Variants in SNX29 observed in about 807,000 individuals in gnomAD.
SNX29 encodes the protein sorting nexin-29.
Under a neutral mutation model 102.1 loss-of-function variants are expected in SNX29, and 78 were observed. The observed-to-expected ratio is 0.76, with a 90% CI of 0.64 to 0.92. The LOEUF is 0.92. Ranked by LOEUF, SNX29 falls within the 40% of genes least tolerant of loss-of-function variation. The pLI is 0.00. For missense variants in SNX29, 1,280 were observed against 1,061.7 expected (o/e 1.21, Z -2.86); for synonymous variants, 580 against 414.5 (o/e 1.40, Z -4.85).
At chr16:12,293,453 C>T (rs2079870203) in intron 15 of SNX29, among the ~76,000 whole-genome samples, 2 of 152,316 alleles carry the variant, frequency 1.3e-5, no homozygotes, top group South Asian at 4.1e-4. Context: ...GAAGATTAGC[C>T]AGCCTGCGGT....
At chr16:12,468,545 GA>G (rs968269503) in intron 18 of SNX29, among the ~76,000 whole-genome samples, 8 of 152,164 alleles carry the variant, frequency 5.3e-5, no homozygotes, top group African/African-American at 1.7e-4. Context: ...GCCCCTGGCA[GA>G]ACCAGGCCCC....
chr16:12,315,694 ACTGT>A, intron 15 of SNX29, among the ~76,000 whole-genome samples: 1 of 152,278 alleles, frequency 6.6e-6, no homozygotes, highest in Non-Finnish European at 1.5e-5. Context: ...CCCCTCTACA[ACTGT>A]GGGAAGTAGA....
At chr16:12,174,731 G>A (rs952086157) in intron 13 of SNX29, among the ~76,000 whole-genome samples, 1 of 152,164 alleles carries the variant, frequency 6.6e-6, no homozygotes, top group Non-Finnish European at 1.5e-5. Context: ...TATAAATGAT[G>A]AACAATAAAA....
intron 14 of SNX29, among the ~76,000 whole-genome samples, chr16:12,277,097 A>G (rs747833231): frequency 1.3e-5 from 2 of 152,274 alleles, no homozygotes; most frequent in African/African-American, 2.4e-5. Context: ...AATATAAAAG[A>G]TGTAAGTGGA....
intron 20 of SNX29, among the ~76,000 whole-genome samples, chr16:12,540,272 G>GA (rs2077270437): frequency 6.6e-6 from 1 of 152,190 alleles, no homozygotes; most frequent in South Asian, 2.1e-4. Flanking sequence ...TCAAGTGGAG[G>GA]GAGGACAGGA....
chr16:12,419,562 G>GC (rs34648432), intron 18 of SNX29, among the ~76,000 whole-genome samples: 4,301 of 147,518 alleles, frequency 0.029, 61 homozygotes, highest in South Asian at 0.046. Flanking sequence ...ATCAGACTCA[G>GC]CCCCCCCCCC....
In SNX29 at chr16:12,571,529, C is replaced by G. The variant is rs1325977214; in HGVS notation, c.*2900C>G. ...TCTCAAGGGCCTTGGATTCCTGGGA[C>G]CACCCTTTGCTGGGAGGAAGAATCC... On this transcript the variant is annotated 3_prime_UTR_variant, in exon 21 of 21. Coordinates refer to ENST00000566228, the MANE Select transcript of SNX29 (RefSeq NM_032167.5). The G allele has an allele frequency of 3.6e-6, 3 of 837,938 alleles. No homozygotes were observed. The highest frequency in any genetic ancestry group is 1.5e-6 in the Non-Finnish European group (1 of 672,348). The allele number at this position is 837,938 out of a possible 1,614,324, so 51.9% of individuals were successfully genotyped here.
chr16:12,453,034 G>GT (rs2086376924), intron 18 of SNX29, among the ~76,000 whole-genome samples: 1 of 152,184 alleles, frequency 6.6e-6, no homozygotes, highest in South Asian at 2.1e-4. Flanking sequence ...ATCCCCAGCA[G>GT]TAAGACCTGG....
At chr16:12,267,722 A>G (rs935821324) in intron 14 of SNX29, among the ~76,000 whole-genome samples, 2 of 152,186 alleles carry the variant, frequency 1.3e-5, no homozygotes, top group African/African-American at 4.8e-5. Context: ...TGGAACGGCA[A>G]GTTATCTTTT....
chr16:11,995,905 C>G (rs1222745841), intron 1 of SNX29, among the ~76,000 whole-genome samples: 1 of 151,924 alleles, frequency 6.6e-6, no homozygotes, highest in Non-Finnish European at 1.5e-5. Context: ...ACTGAAAATA[C>G]AAAAATTAGC....
In SNX29 at chr16:12,369,500, G is replaced by A. The variant is rs529182339; in HGVS notation, c.1899+13221G>A. Among the ~76,000 whole-genome samples, 25 of 152,264 alleles carry A rather than the reference G, an allele frequency of 1.6e-4. No homozygotes were observed. The South Asian group carries it at 1.9e-3, about 11-fold the overall frequency. On this transcript the variant is annotated intron_variant, in intron 16 of 20. Transcript: ENST00000566228. Reference sequence around the variant, plus strand: ...AGGGGTTCCTGTGCCTGGGGCAACCGCGTGGGACTCCTCTAGAAGCTGGTC... The same window carrying A: ...AGGGGTTCCTGTGCCTGGGGCAACCACGTGGGACTCCTCTAGAAGCTGGTC...
intron 20 of SNX29, among the ~76,000 whole-genome samples, chr16:12,553,244 G>C (rs145144176): frequency 6.6e-6 from 1 of 152,192 alleles, no homozygotes; most frequent in Admixed American, 6.5e-5. Context: ...AATACAGAGA[G>C]AGATTGTACA....
chr16:12,409,111 A>G (rs1386142424), intron 18 of SNX29, among the ~76,000 whole-genome samples: 2 of 152,206 alleles, frequency 1.3e-5, no homozygotes, highest in Non-Finnish European at 1.5e-5. Context: ...CCTGATTTTA[A>G]GTTTTTCATC....
At chr16:12,412,902 C>T (rs1006346977) in intron 18 of SNX29, among the ~76,000 whole-genome samples, 1 of 152,230 alleles carries the variant, frequency 6.6e-6, no homozygotes, top group Admixed American at 6.5e-5. Flanking sequence ...GTGACACTTT[C>T]TAGCCACTCA....
chr16:12,311,226 T>C (rs566801652), intron 15 of SNX29, among the ~76,000 whole-genome samples: 9 of 152,104 alleles, frequency 5.9e-5, no homozygotes, highest in Non-Finnish European at 1.2e-4. Flanking sequence ...GTAAAGAAAC[T>C]TCTTTCTAAC....
At chr16:12,125,458 C>G (rs572269205) in intron 11 of SNX29, among the ~76,000 whole-genome samples, 3 of 151,820 alleles carry the variant, frequency 2.0e-5, no homozygotes, top group Admixed American at 1.3e-4. Context: ...TGGAGATGCA[C>G]GGTGTATGGG....
chr16:12,341,293 A>T (rs1167350566), intron 15 of SNX29, among the ~76,000 whole-genome samples: 1 of 152,192 alleles, frequency 6.6e-6, no homozygotes, highest in Non-Finnish European at 1.5e-5. Flanking sequence ...CAAATGATTT[A>T]ATGTGTCTGA....
At chr16:12,365,076 C>A (rs184111289) in intron 16 of SNX29, among the ~76,000 whole-genome samples, 1 of 152,318 alleles carries the variant, frequency 6.6e-6, no homozygotes, top group African/African-American at 2.4e-5. Context: ...CAAAGGCACA[C>A]AGCTTCATGG....
intron 10 of SNX29, among the ~76,000 whole-genome samples, chr16:12,074,247 G>GCAAAATAAC (rs2051437636): frequency 6.6e-6 from 1 of 151,758 alleles, no homozygotes; most frequent in Non-Finnish European, 1.5e-5. Flanking sequence ...GTTAGTTGAT[G>GCAAAATAAC]CAGTTTCTTT....
Sources: gnomAD v4.1 joint callset for allele counts (sites outside exome capture counted in the v4.1 genomes callset) on GRCh38, gnomAD v4.1.1 for gene constraint, MANE v1.5 for transcripts, NCBI Gene and HGNC (gene_info 2026-07-23, HGNC 2026-07-21) for gene names.